PARP8: variants seen among roughly 807,000 people sequenced by gnomAD.
PARP8 encodes the protein protein mono-ADP-ribosyltransferase PARP8.
In PARP8, 51 loss-of-function variants were observed where a neutral mutation model predicts 124.1. That is an observed-to-expected ratio of 0.41 (90% CI 0.33 to 0.52). PARP8 has a LOEUF of 0.52. PARP8 is among the 20% of genes least tolerant of loss of function. PARP8 has a pLI of 0.21. For missense variants in PARP8, 860 were observed against 1,018.9 expected, an observed-to-expected ratio of 0.84 and a Z score of 2.12; for synonymous variants, 391 against 361.5, an observed-to-expected ratio of 1.08 and a Z score of -0.93.
At position 50,764,660 on chromosome 5, in the gene PARP8, G is replaced by A. The variant is rs898212294; in HGVS notation, c.518+1418G>A. 2.0e-5 allele frequency among the ~76,000 whole-genome samples: 3 copies of A among 152,108 alleles called. No homozygotes were observed. The East Asian group carries it at 5.8e-4, about 29-fold the overall frequency. ...AAGTCTTCTCTTTGCAGACTTCAAA[G>A]TTTTAGCAAATTAGCTGCAATAATT... On this transcript the variant is annotated intron_variant, in intron 7 of 25. Transcript: ENST00000281631.
intron 2 of PARP8, among the ~76,000 whole-genome samples, chr5:50,704,352 A>G (rs1203088527): frequency 6.6e-6 from 1 of 152,156 alleles, no homozygotes; most frequent in African/African-American, 2.4e-5. Context: ...TAATCAGAAA[A>G]TGTTGTTGAT....
intron 2 of PARP8, among the ~76,000 whole-genome samples, chr5:50,686,941 G>A (rs1368231825): frequency 2.0e-5 from 3 of 152,160 alleles, no homozygotes; most frequent in East Asian, 1.9e-4. Flanking sequence ...AGGGGCTGCC[G>A]TGAAGACCTT....
chr5:50,822,510 C>T lies in PARP8; in HGVS notation c.1860+110C>T, dbSNP rs555352441. 64 of 817,200 alleles carry T rather than the reference C, an allele frequency of 7.8e-5. No individual in the cohort carries two copies. The South Asian group carries it at 7.9e-4, about 10-fold the overall frequency. The allele number at this position is 817,200 out of a possible 1,614,324, so 50.6% of individuals were successfully genotyped here. ...AATACATATCATTTAAAAATTTGTG[C>T]GGTATTAAGATGTTTTAATTAAATC... On this transcript the variant is annotated intron_variant, in intron 17 of 25. Transcript: ENST00000281631.
intron 2 of PARP8, among the ~76,000 whole-genome samples, chr5:50,705,652 G>C (rs1433878096): frequency 3.3e-5 from 5 of 152,070 alleles, no homozygotes; most frequent in African/African-American, 1.2e-4. Flanking sequence ...GGGCGTGATG[G>C]CGTGCGCCTG....
intron 23 of PARP8, 59 bp downstream of exon 23, chr5:50,832,913 C>A: frequency 2.0e-6 from 3 of 1,491,460 alleles, no homozygotes. Context: ...CATCAGCCAG[C>A]AGAGCATGGA....
chr5:50,805,092 CT>C (rs1408293561), intron 14 of PARP8, among the ~76,000 whole-genome samples: 2 of 152,062 alleles, frequency 1.3e-5, no homozygotes, highest in African/African-American at 4.8e-5. Context: ...TTGCCAGTTT[CT>C]TTTAAAGATT....
chr5:50,669,775 A>G (rs1442801920), intron 2 of PARP8, among the ~76,000 whole-genome samples: 3 of 152,186 alleles, frequency 2.0e-5, no homozygotes, highest in Non-Finnish European at 4.4e-5. Flanking sequence ...AAAGTAAGAG[A>G]TGTTTCCTAT....
chr5:50,795,399 T>A lies in PARP8; in HGVS notation c.1410T>A (p.Ser470=). Residue 470 remains serine (S), a synonymous_variant, in exon 12 of 26, where the codon TCT becomes TCA. Transcript: ENST00000281631. ...GLIGILTPSS[S]SSSQLAPNGA... is the part of the protein sequence containing the mutation. ...TTGGTATCCTAACACCATCTTCATC[T>A]TCATCTTCTCAGCTTGCTGTGCGTA... 6.3e-7 allele frequency: 1 copy of A among 1,597,000 alleles called. No homozygotes were observed. Among genetic ancestry groups the A allele is most frequent in the South Asian group, 1.1e-5 (1 of 88,126 alleles).
intron 14 of PARP8, among the ~76,000 whole-genome samples, chr5:50,801,816 G>A (rs1228621426): frequency 2.0e-5 from 3 of 152,086 alleles, no homozygotes; most frequent in Admixed American, 1.3e-4. Flanking sequence ...ATACGTATAT[G>A]TTTATAAGTG....
chr5:50,734,663 A>G (rs1290641444), intron 2 of PARP8, among the ~76,000 whole-genome samples: 1 of 152,056 alleles, frequency 6.6e-6, no homozygotes, highest in Non-Finnish European at 1.5e-5. Context: ...TTCTATCTCA[A>G]ATTGATTGAT....
intron 3 of PARP8, among the ~76,000 whole-genome samples, chr5:50,753,597 T>G (rs946292742): frequency 6.6e-6 from 1 of 152,128 alleles, no homozygotes; most frequent in Non-Finnish European, 1.5e-5. Flanking sequence ...CACTTACTAG[T>G]GTATAGTTAG....
intron 7 of PARP8, among the ~76,000 whole-genome samples, chr5:50,768,034 T>TG (rs143841992): frequency 6.6e-6 from 1 of 152,058 alleles, no homozygotes; most frequent in Admixed American, 6.6e-5. Flanking sequence ...TGTGTGTGTG[T>TG]TCCCTGACAG....
At chr5:50,839,213 T>C (rs938075447) in intron 25 of PARP8, among the ~76,000 whole-genome samples, 1 of 152,076 alleles carries the variant, frequency 6.6e-6, no homozygotes, top group Non-Finnish European at 1.5e-5. Context: ...TCGTTAAAAT[T>C]TTAGTAATCT....
At chr5:50,709,335 T>TTTTTTC (rs1436673765) in intron 2 of PARP8, among the ~76,000 whole-genome samples, 1 of 152,044 alleles carries the variant, frequency 6.6e-6, no homozygotes, top group Non-Finnish European at 1.5e-5. Flanking sequence ...ATTCTTTCAT[T>TTTTTTC]TTTTTCTTTT....
intron 2 of PARP8, among the ~76,000 whole-genome samples, chr5:50,747,168 T>TTTTTG (rs1758669061): frequency 7.2e-6 from 1 of 139,298 alleles, no homozygotes; most frequent in African/African-American, 2.8e-5. Flanking sequence ...GTTTTGTTTT[T>TTTTTG]TTTTTTTTTT....
chr5:50,782,798 T>G (rs1413705436), intron 9 of PARP8, among the ~76,000 whole-genome samples: 1 of 152,062 alleles, frequency 6.6e-6, no homozygotes, highest in Non-Finnish European at 1.5e-5. Flanking sequence ...CACTCTAGTA[T>G]CTCAGGTAAA....
At chr5:50,761,440 G>A (rs576138131) in intron 5 of PARP8, among the ~76,000 whole-genome samples, 3 of 151,980 alleles carry the variant, frequency 2.0e-5, no homozygotes, top group Admixed American at 6.6e-5. Flanking sequence ...GTTGGCAGGG[G>A]AAGTGAGAAC....
intron 2 of PARP8, among the ~76,000 whole-genome samples, chr5:50,727,073 A>G (rs1338692853): frequency 6.6e-6 from 1 of 152,116 alleles, no homozygotes; most frequent in East Asian, 1.9e-4. Context: ...TGTGAGAAAA[A>G]CACAGGCAAT....
intron 2 of PARP8, among the ~76,000 whole-genome samples, chr5:50,742,587 G>A (rs910679334): frequency 6.6e-6 from 1 of 152,194 alleles, no homozygotes; most frequent in Non-Finnish European, 1.5e-5. Flanking sequence ...GAGAGTGAAA[G>A]GGTAGGTTGT....
Sources: gnomAD v4.1 joint callset for allele counts (sites outside exome capture counted in the v4.1 genomes callset) on GRCh38, gnomAD v4.1.1 for gene constraint, MANE v1.5 for transcripts, NCBI Gene and HGNC (gene_info 2026-07-23, HGNC 2026-07-21) for gene names.